The following TMEM182 variants were observed in gnomAD, a reference collection of about 807,000 sequenced individuals.
TMEM182 encodes transmembrane protein 182.
In TMEM182, 20 loss-of-function variants were observed where a neutral mutation model predicts 26.8. The observed-to-expected ratio is 0.75, with a 90% confidence interval of 0.53 to 1.09. TMEM182 has a LOEUF of 1.09. TMEM182 is among the 50% of genes least tolerant of loss of function. The probability of loss-of-function intolerance (pLI) is 0.00; values close to 1 mark genes in which losing one functional copy is unlikely to be tolerated. For synonymous variants in TMEM182, 109 were observed against 102.2 expected, an observed-to-expected ratio of 1.07 and a Z score of -0.40; for missense variants, 277 against 275.5, an observed-to-expected ratio of 1.01 and a Z score of -0.04.
intron 4 of TMEM182, among the ~76,000 whole-genome samples, chr2:102,801,601 T>A (rs1682141928): frequency 6.6e-6 from 1 of 152,234 alleles, no homozygotes; most frequent in African/African-American, 2.4e-5. Context: ...AGTTCAGGCC[T>A]GCTCAGGCTT....
Position 102,797,878 on chromosome 2 carries a change from G to T in TMEM182, c.347G>T (p.Trp116Leu), listed in dbSNP as rs1173627601. 6.2e-7 allele frequency: 1 copy of T among 1,613,192 alleles called. No individual in the cohort carries two copies. The highest frequency in any genetic ancestry group is 8.5e-7 in the Non-Finnish European group (1 of 1,179,798). The part of the protein sequence containing the change: ...YDSAVIYRGF[W>L]AVLMLLGVVA... The stretch of plus-strand genomic sequence containing the variant: ...GGGTCTCCAGTTTACCGTGGTTTCT[G>T]GGCAGTCCTGATGCTCCTGGGGGTA... The change falls in exon 4 of 5, where the codon TGG becomes TTG. Residue 116 changes from tryptophan to leucine, a missense_variant. Transcript: ENST00000412401.
At chr2:102,834,927 C>T (rs910601476) in intron 3 of TMEM182, among the ~76,000 whole-genome samples, 48 of 152,176 alleles carry the variant, frequency 3.2e-4, no homozygotes, top group Admixed American at 6.5e-5. Context: ...ACCCGTTTCA[C>T]CTGAGGTGTT....
upstream of TMEM182, among the ~76,000 whole-genome samples, chr2:102,758,744 T>C (rs1680119514): frequency 6.6e-6 from 1 of 152,248 alleles, no homozygotes; most frequent in Non-Finnish European, 1.5e-5. Flanking sequence ...TGCCAAGTCC[T>C]ATGCTAAGCA....
At position 102,816,049 on chromosome 2, in the gene TMEM182, A is replaced by G. The variant is rs1475226930; in HGVS notation, c.*1081A>G. 5 of 985,000 alleles carry G rather than the reference A, an allele frequency of 5.1e-6. No homozygotes were observed. The highest frequency in any genetic ancestry group is 4.8e-6 in the Non-Finnish European group (4 of 829,722). 61.0% of individuals were successfully genotyped at this position (985,000 alleles called of 1,614,324 possible). A position where few individuals can be genotyped will look rare whatever the true frequency, so the allele number is the denominator to read the frequency against. ...ATATATTAACATTTACAGATCGACT[A>G]TTTCCTTTAACCTCCTAGAAGAAAG... On this transcript the variant is annotated 3_prime_UTR_variant, in exon 5 of 5. Transcript: ENST00000412401.
chr2:102,759,498 T>TAAATATCTGATAA (rs1680145402), upstream of TMEM182, among the ~76,000 whole-genome samples: 1 of 152,202 alleles, frequency 6.6e-6, no homozygotes, highest in Non-Finnish European at 1.5e-5. Flanking sequence ...CAATATCTGA[T>TAAATATCTGATAA]AAAATGCCTG....
chr2:102,800,523 A>G (rs1035797267), intron 4 of TMEM182, among the ~76,000 whole-genome samples: 1 of 152,058 alleles, frequency 6.6e-6, no homozygotes, highest in African/African-American at 2.4e-5. Flanking sequence ...GGCCAAAAAA[A>G]TTTTTCTCAC....
At chr2:102,840,399 T>C (rs1683326637) in intron 3 of TMEM182, among the ~76,000 whole-genome samples, 2 of 152,220 alleles carry the variant, frequency 1.3e-5, no homozygotes, top group African/African-American at 2.4e-5. Context: ...AGACTCCGTC[T>C]TCGCATATAA....
chr2:102,822,228 C>G (rs954961008), downstream of TMEM182, among the ~76,000 whole-genome samples: 2 of 152,188 alleles, frequency 1.3e-5, no homozygotes, highest in East Asian at 1.9e-4. Flanking sequence ...AAAGCCATGG[C>G]AAAGATTAGA....
downstream of TMEM182, among the ~76,000 whole-genome samples, chr2:102,822,427 T>C (rs1242651464): frequency 6.6e-6 from 1 of 152,036 alleles, no homozygotes; most frequent in Non-Finnish European, 1.5e-5. Flanking sequence ...TATTTACCAG[T>C]GGTGCTGAGG....
chr2:102,758,953 C>A (rs576528025), upstream of TMEM182, among the ~76,000 whole-genome samples: 2 of 152,102 alleles, frequency 1.3e-5, no homozygotes, highest in African/African-American at 4.8e-5. Flanking sequence ...TTTATCCGGG[C>A]TCTTCCCTGT....
At chr2:102,835,013 T>C (rs1683219109) in intron 3 of TMEM182, among the ~76,000 whole-genome samples, 1 of 152,092 alleles carries the variant, frequency 6.6e-6, no homozygotes. Flanking sequence ...AGGATAATAA[T>C]AGTAATCAGC....
chr2:102,795,015 T>C (rs1236787712), intron 3 of TMEM182, among the ~76,000 whole-genome samples: 1 of 152,202 alleles, frequency 6.6e-6, no homozygotes, highest in East Asian at 1.9e-4. Flanking sequence ...TTTCTCATAT[T>C]GAATAATTTT....
intron 3 of TMEM182, among the ~76,000 whole-genome samples, chr2:102,825,437 C>A (rs995706621): frequency 1.3e-5 from 2 of 152,168 alleles, no homozygotes; most frequent in Non-Finnish European, 2.9e-5. Context: ...TAACATTTTT[C>A]GTGTCTTTAA....
upstream of TMEM182, among the ~76,000 whole-genome samples, chr2:102,757,239 T>A (rs2732836): frequency 0.48 from 73,048 of 151,736 alleles, 18,274 homozygotes; most frequent in African/African-American, 0.63. Flanking sequence ...ACTCAGCCCC[T>A]TTGCCTCCTC....
chr2:102,740,414 C>G (rs1679510481), intron 1 of TMEM182, among the ~76,000 whole-genome samples: 1 of 152,162 alleles, frequency 6.6e-6, no homozygotes, highest in African/African-American at 2.4e-5. Flanking sequence ...CAGTACTTCT[C>G]CTTGCTGCTA....
In TMEM182 at chr2:102,799,629, C is replaced by T. The variant is rs576848079; in HGVS notation, c.469+1629C>T. Among the ~76,000 whole-genome samples, 28 of 152,292 alleles carry T rather than the reference C, an allele frequency of 1.8e-4. No individual in the cohort carries two copies. In the East Asian group the frequency reaches 2.1e-3, roughly 12 times the overall value. On this transcript the variant is annotated intron_variant, in intron 4 of 4. Coordinates refer to ENST00000412401, the MANE Select transcript of TMEM182 (RefSeq NM_144632.5). ...GTCATAGACTAAGTGGGGAACCCAGCGAGGCCTGTCCGTTTAGCTTCTTCA... is the reference window on the plus strand; with the variant it reads ...GTCATAGACTAAGTGGGGAACCCAGTGAGGCCTGTCCGTTTAGCTTCTTCA...
intron 1 of TMEM182, among the ~76,000 whole-genome samples, chr2:102,749,328 C>A (rs1430197799): frequency 1.3e-5 from 2 of 151,962 alleles, no homozygotes; most frequent in Non-Finnish European, 2.9e-5. Context: ...CATAAAAGAC[C>A]ACATATTGAG....
intron 3 of TMEM182, among the ~76,000 whole-genome samples, chr2:102,842,976 G>C (rs866126096): frequency 1.3e-5 from 2 of 152,318 alleles, no homozygotes; most frequent in Middle Eastern, 6.8e-3. Flanking sequence ...TGTTGACAAA[G>C]AGGGTGGGCT....
intron 3 of TMEM182, chr2:102,834,525 C>G (rs1259850348): frequency 2.7e-6 from 2 of 753,324 alleles, no homozygotes; most frequent in Non-Finnish European, 3.2e-6. Context: ...ATAGGTGAGC[C>G]TTGGGAGGTG....
Sources: gnomAD v4.1 joint callset for allele counts (sites outside exome capture counted in the v4.1 genomes callset) on GRCh38, gnomAD v4.1.1 for gene constraint, MANE v1.5 for transcripts, NCBI Gene and HGNC (gene_info 2026-07-23, HGNC 2026-07-21) for gene names.